ITFG1: variants seen among roughly 807,000 people sequenced by gnomAD.
ITFG1 encodes T-cell immunomodulatory protein.
A neutral mutation model predicts 81.8 loss-of-function variants in ITFG1; 34 were observed. The observed-to-expected ratio is 0.42, with a 90% CI of 0.32 to 0.55. The LOEUF is 0.55. Among genes scored for constraint, ITFG1 ranks in the 20% least tolerant of loss-of-function variants. ITFG1 has a pLI of 0.17. For synonymous variants in ITFG1, 285 were observed against 270.6 expected (o/e 1.05, Z -0.52); for missense variants, 672 against 755.4 (o/e 0.89, Z 1.29).
intron 14 of ITFG1, among the ~76,000 whole-genome samples, chr16:47,174,665 C>T (rs757774540): frequency 2.6e-5 from 4 of 152,074 alleles, no homozygotes; most frequent in South Asian, 2.1e-4. Context: ...GAATTAGAGG[C>T]GTACACCACC....
chr16:47,440,774 G>C (rs1413227799), intron 5 of ITFG1, among the ~76,000 whole-genome samples: 1 of 152,110 alleles, frequency 6.6e-6, no homozygotes, highest in Non-Finnish European at 1.5e-5. Flanking sequence ...ACAATTAAAA[G>C]AACTAGAGAA....
rs74762935 is a variant in ITFG1 at position 47,260,550 on chromosome 16, C to T, written c.1216G>A (p.Glu406Lys). ...AMVATFFDIY[E>K]DGILDIVVLS... ...CAGCCCAGCTCTGAACTCACATCTT[C>T]GTAAATGTCAAAGAAGGTGGCAACC... Residue 406 changes from glutamate (E) to lysine (K), a missense_variant, in exon 11 of 18, where the codon GAA (glutamate) becomes AAA (lysine). Transcript: ENST00000320640. 8.7e-6 allele frequency: 14 copies of T among 1,614,098 alleles called. No homozygotes were observed. The highest frequency in any genetic ancestry group is 1.3e-5 in the African/African-American group (1 of 75,048).
chr16:47,433,174 T>G (rs1478224935), intron 5 of ITFG1, among the ~76,000 whole-genome samples: 1 of 152,200 alleles, frequency 6.6e-6, no homozygotes, highest in Admixed American at 6.5e-5. Flanking sequence ...AACCAAATGT[T>G]TATTTCAAAG....
At chr16:47,238,414 A>G (rs1321580279) in intron 12 of ITFG1, 1 of 153,986 alleles carries the variant, frequency 6.5e-6, no homozygotes, top group African/African-American at 2.4e-5. Context: ...TTATATCTCA[A>G]ACTAGACTTT....
At chr16:47,365,023 C>T (rs1040950402) in intron 8 of ITFG1, among the ~76,000 whole-genome samples, 1 of 152,192 alleles carries the variant, frequency 6.6e-6, no homozygotes, top group Non-Finnish European at 1.5e-5. Context: ...TGTCACTGTG[C>T]TTCATTTACA....
At chr16:47,422,479 T>A (rs922034276) in intron 6 of ITFG1, among the ~76,000 whole-genome samples, 4 of 152,226 alleles carry the variant, frequency 2.6e-5, no homozygotes, top group Non-Finnish European at 5.9e-5. Context: ...CTGCCAGGCT[T>A]TGGTATCAGG....
intron 12 of ITFG1, among the ~76,000 whole-genome samples, chr16:47,253,861 T>C (rs534031582): frequency 7.2e-5 from 11 of 152,128 alleles, no homozygotes; most frequent in African/African-American, 1.4e-4. Flanking sequence ...TGGTTCCTAA[T>C]AGGTCTCAGA....
At chr16:47,445,193 C>T (rs1374107478) in intron 5 of ITFG1, among the ~76,000 whole-genome samples, 3 of 139,120 alleles carry the variant, frequency 2.2e-5, no homozygotes, top group South Asian at 4.7e-4. Context: ...CCAGGCCGGG[C>T]GCGGTGGCTC....
chr16:47,385,878 G>T (rs111330028), intron 6 of ITFG1, among the ~76,000 whole-genome samples: 58 of 152,262 alleles, frequency 3.8e-4, no homozygotes, highest in African/African-American at 1.3e-3. Context: ...AGCTAGACAG[G>T]ACAGTTCTAA....
At chr16:47,372,314 A>G (rs950154524) in intron 7 of ITFG1, among the ~76,000 whole-genome samples, 50 of 152,248 alleles carry the variant, frequency 3.3e-4, no homozygotes, top group African/African-American at 1.2e-3. Flanking sequence ...GTGCAATCAT[A>G]GCTCACTGCA....
intron 8 of ITFG1, among the ~76,000 whole-genome samples, chr16:47,322,699 C>A (rs1036202597): frequency 6.6e-6 from 1 of 152,114 alleles, no homozygotes; most frequent in Non-Finnish European, 1.5e-5. Context: ...CACACACACA[C>A]AAAAGAAATA....
intron 8 of ITFG1, among the ~76,000 whole-genome samples, chr16:47,353,444 T>C (rs1057220881): frequency 2.0e-5 from 3 of 151,828 alleles, no homozygotes; most frequent in African/African-American, 7.3e-5. Flanking sequence ...CTAACATCAA[T>C]TGAAAAGGAA....
intron 14 of ITFG1, among the ~76,000 whole-genome samples, chr16:47,164,122 G>T (rs1964854054): frequency 6.7e-6 from 1 of 149,166 alleles, no homozygotes; most frequent in Non-Finnish European, 1.5e-5. Context: ...GATAACTCTG[G>T]TATCGCTTAA....
At chr16:47,362,360 C>G (rs191387447) in intron 8 of ITFG1, among the ~76,000 whole-genome samples, 208 of 152,304 alleles carry the variant, frequency 1.4e-3, no homozygotes, top group African/African-American at 4.9e-3. Flanking sequence ...GCTCAAGAAG[C>G]ATTACATTAT....
At chr16:47,218,791 T>A (rs932883015) in intron 14 of ITFG1, 77 bp downstream of exon 14, 8 of 783,808 alleles carry the variant, frequency 1.0e-5, no homozygotes, top group Non-Finnish European at 1.6e-5. Flanking sequence ...AAAACATAAT[T>A]TTTTCCACCA....
At chr16:47,251,360 C>T (rs1043449054) in intron 12 of ITFG1, among the ~76,000 whole-genome samples, 4 of 152,202 alleles carry the variant, frequency 2.6e-5, no homozygotes, top group African/African-American at 9.7e-5. Context: ...GGTGGGCTCC[C>T]AGCTTGTGAG....
chr16:47,260,814 A>G (rs1158377817), intron 10 of ITFG1, 119 bp from the exon 11 acceptor site: 3 of 1,079,370 alleles, frequency 2.8e-6, no homozygotes, highest in Non-Finnish European at 4.0e-6. Flanking sequence ...TTACACGAAA[A>G]AATCTCCACA....
intron 10 of ITFG1, among the ~76,000 whole-genome samples, chr16:47,291,574 A>G (rs1351530113): frequency 2.0e-5 from 3 of 152,260 alleles, no homozygotes; most frequent in Non-Finnish European, 4.4e-5. Context: ...AATTCCCATA[A>G]GATTACTATT....
intron 14 of ITFG1, among the ~76,000 whole-genome samples, chr16:47,163,482 A>T (rs1441843461): frequency 6.6e-6 from 1 of 152,186 alleles, no homozygotes; most frequent in Non-Finnish European, 1.5e-5. Flanking sequence ...TATTACTGTT[A>T]CTTGCCAAAT....
Sources: allele counts gnomAD v4.1 joint callset (sites outside exome capture counted in the v4.1 genomes callset), GRCh38; gene constraint gnomAD v4.1.1; transcripts MANE v1.5; gene names NCBI Gene and HGNC (gene_info 2026-07-23, HGNC 2026-07-21).